KCNH7: variants seen among roughly 807,000 people sequenced by gnomAD.
The protein encoded by KCNH7 is potassium voltage-gated channel subfamily H member 7.
A neutral mutation model predicts 120.8 loss-of-function variants in KCNH7; 49 were observed. That is an observed-to-expected ratio of 0.41 (90% confidence interval 0.32 to 0.51). KCNH7 has a LOEUF of 0.51. KCNH7 is among the 20% of genes least tolerant of loss of function. The pLI is 0.38. For synonymous variants in KCNH7, 547 were observed against 516.1 expected (o/e 1.06, Z -0.81); for missense variants, 1,097 against 1,446.6 (o/e 0.76, Z 3.92).
At chr2:162,722,933 C>T (rs935305961) in intron 2 of KCNH7, among the ~76,000 whole-genome samples, 1 of 142,396 alleles carries the variant, frequency 7.0e-6, no homozygotes, top group African/African-American at 2.6e-5. Flanking sequence ...TGTTTCAATT[C>T]AGTTATTGCA....
intron 2 of KCNH7, among the ~76,000 whole-genome samples, chr2:162,621,144 A>T (rs1301396332): frequency 1.3e-5 from 2 of 150,806 alleles, no homozygotes; most frequent in Non-Finnish European, 2.9e-5. Context: ...TATACACAGG[A>T]TATTACTAAT....
At chr2:162,656,307 A>T (rs1343742209) in intron 2 of KCNH7, among the ~76,000 whole-genome samples, 3 of 152,214 alleles carry the variant, frequency 2.0e-5, no homozygotes, top group Non-Finnish European at 2.9e-5. Context: ...GACTATATAG[A>T]TCATAAAGTC....
chr2:162,729,267 G>T (rs1049262297), intron 2 of KCNH7, among the ~76,000 whole-genome samples: 1 of 148,096 alleles, frequency 6.8e-6, no homozygotes, highest in East Asian at 2.0e-4. Context: ...CCGGGTTCCC[G>T]CCATTCTCCT....
chr2:162,775,454 G>A (rs555236817), intron 2 of KCNH7, among the ~76,000 whole-genome samples: 5 of 152,124 alleles, frequency 3.3e-5, no homozygotes, highest in Non-Finnish European at 7.4e-5. Flanking sequence ...TTGGGGCTAC[G>A]GAATAGAAAT....
chr2:162,825,616 T>C (rs996036010), intron 2 of KCNH7, among the ~76,000 whole-genome samples: 4 of 152,048 alleles, frequency 2.6e-5, no homozygotes, highest in Admixed American at 1.3e-4. Flanking sequence ...TCAAGATGGT[T>C]GAACAGACTT....
chr2:162,716,616 A>T (rs1176263537), intron 2 of KCNH7, among the ~76,000 whole-genome samples: 2 of 152,088 alleles, frequency 1.3e-5, no homozygotes, highest in South Asian at 4.1e-4. Context: ...ATTATTATTT[A>T]TTAGGGCTTT....
At chr2:162,511,809 G>A (rs368287569) in intron 5 of KCNH7, among the ~76,000 whole-genome samples, 2 of 151,618 alleles carry the variant, frequency 1.3e-5, no homozygotes, top group East Asian at 2.0e-4. Flanking sequence ...AAGTAATGAC[G>A]GTTACTGGTG....
chr2:162,803,362 G>A (rs112621884), intron 2 of KCNH7, among the ~76,000 whole-genome samples: 2,813 of 151,794 alleles, frequency 0.019, 51 homozygotes, highest in Non-Finnish European at 0.029. Flanking sequence ...CAATAAACTT[G>A]TAGGCATTTT....
At chr2:162,716,592 GTAAAGTGTTT>G (rs1687132232) in intron 2 of KCNH7, among the ~76,000 whole-genome samples, 1 of 152,110 alleles carries the variant, frequency 6.6e-6, no homozygotes, top group South Asian at 2.1e-4. Flanking sequence ...ACATGCTACA[GTAAAGTGTTT>G]TATATTATTA....
At chr2:162,433,378 A>G (rs1483451674) in intron 8 of KCNH7, among the ~76,000 whole-genome samples, 1 of 152,128 alleles carries the variant, frequency 6.6e-6, no homozygotes, top group Non-Finnish European at 1.5e-5. Flanking sequence ...ACTTCAAACT[A>G]TACTATAAGG....
intron 6 of KCNH7, among the ~76,000 whole-genome samples, chr2:162,484,056 C>G (rs73971783): frequency 0.057 from 8,731 of 152,170 alleles, 798 homozygotes; most frequent in African/African-American, 0.19. Context: ...ATTTGTAGGA[C>G]TCTGGAAAGT....
chr2:162,651,921 T>C (rs1559064961), intron 2 of KCNH7, among the ~76,000 whole-genome samples: 1 of 152,194 alleles, frequency 6.6e-6, no homozygotes, highest in African/African-American at 2.4e-5. Flanking sequence ...TGGTATCTCA[T>C]TGTGGTTTTG....
intron 6 of KCNH7, among the ~76,000 whole-genome samples, chr2:162,461,415 T>C (rs188730222): frequency 6.6e-6 from 1 of 152,312 alleles, no homozygotes; most frequent in Admixed American, 6.5e-5. Flanking sequence ...CCACATATAG[T>C]CCCTATCTTA....
At chr2:162,812,590 T>C (rs1222238573) in intron 2 of KCNH7, among the ~76,000 whole-genome samples, 1 of 151,996 alleles carries the variant, frequency 6.6e-6, no homozygotes, top group Non-Finnish European at 1.5e-5. Context: ...TGAGGATTAT[T>C]CCAAGGAGAA....
chr2:162,807,415 C>T (rs1167336764), intron 2 of KCNH7, among the ~76,000 whole-genome samples: 1 of 151,906 alleles, frequency 6.6e-6, no homozygotes, highest in African/African-American at 2.4e-5. Flanking sequence ...CCAGCCTAGG[C>T]AATAGAGCAA....
At chr2:162,554,657 G>A (rs979377455) in intron 2 of KCNH7, among the ~76,000 whole-genome samples, 1 of 152,084 alleles carries the variant, frequency 6.6e-6, no homozygotes, top group Non-Finnish European at 1.5e-5. Flanking sequence ...CCCTGCTTCT[G>A]TCATCACATC....
intron 2 of KCNH7, among the ~76,000 whole-genome samples, chr2:162,576,613 C>T (rs1693677960): frequency 6.6e-6 from 1 of 151,424 alleles, no homozygotes; most frequent in South Asian, 2.1e-4. Context: ...CAAAAGAGTC[C>T]ACCTCAACCA....
At chr2:162,632,340 G>T (rs754370738) in intron 2 of KCNH7, among the ~76,000 whole-genome samples, 7 of 152,020 alleles carry the variant, frequency 4.6e-5, no homozygotes, top group Admixed American at 4.6e-4. Flanking sequence ...AAAGCTGCAA[G>T]TTTAACTGAT....
At chr2:162,528,315 A>AT (rs1449691465) in intron 3 of KCNH7, 1 of 151,814 alleles carries the variant, frequency 6.6e-6, no homozygotes, top group Non-Finnish European at 1.5e-5. Flanking sequence ...TTCTCTCTAT[A>AT]TTTTTACTCC....
Sources: gnomAD v4.1 joint callset for allele counts (sites outside exome capture counted in the v4.1 genomes callset) on GRCh38, gnomAD v4.1.1 for gene constraint, MANE v1.5 for transcripts, NCBI Gene and HGNC (gene_info 2026-07-23, HGNC 2026-07-21) for gene names.